The following COMMD10 variants were observed in gnomAD, a reference collection of about 807,000 sequenced individuals.
The protein encoded by COMMD10 is COMM domain-containing protein 10.
Under a neutral mutation model 28.9 loss-of-function variants are expected in COMMD10, and 33 were observed. The observed-to-expected ratio is 1.14, with a 90% CI of 0.87 to 1.53. The LOEUF is 1.53. COMMD10 is among the 40% of genes most tolerant of loss of function. COMMD10 has a pLI of 0.00. For synonymous variants in COMMD10, 110 were observed against 81.7 expected, an observed-to-expected ratio of 1.35 and a Z score of -1.87; for missense variants, 310 against 233.4, an observed-to-expected ratio of 1.33 and a Z score of -2.14.
intron 5 of COMMD10, among the ~76,000 whole-genome samples, chr5:116,210,627 GTT>G (rs1170647773): frequency 6.6e-6 from 1 of 152,012 alleles, no homozygotes; most frequent in African/African-American, 2.4e-5. Flanking sequence ...TGATCTGTGT[GTT>G]TATATTCCAC....
At chr5:116,263,279 A>T (rs80286171) in intron 5 of COMMD10, among the ~76,000 whole-genome samples, 1 of 151,724 alleles carries the variant, frequency 6.6e-6, no homozygotes, top group East Asian at 1.9e-4. Flanking sequence ...GGATCTAGAG[A>T]GTCATGCCCT....
In COMMD10 at chr5:116,212,169, T is replaced by C. The variant is rs145075530; in HGVS notation, c.510+77991T>C. Reference sequence around the variant, plus strand: ...TCCTTTCAAAAGTTGATTTAATTCATAATGTAACTTAGCGTAATATAAATA... The same window carrying C: ...TCCTTTCAAAAGTTGATTTAATTCACAATGTAACTTAGCGTAATATAAATA... On this transcript the variant is annotated intron_variant, in intron 5 of 6. Transcript: ENST00000274458. 2.0e-3 allele frequency among the ~76,000 whole-genome samples: 304 copies of C among 152,260 alleles called. 2 individuals are homozygous for C. The highest frequency in any genetic ancestry group is 7.0e-3 in the African/African-American group (289 of 41,546).
intron 5 of COMMD10, among the ~76,000 whole-genome samples, chr5:116,145,085 T>C (rs551089414): frequency 6.6e-6 from 1 of 151,974 alleles, no homozygotes; most frequent in South Asian, 2.1e-4. Flanking sequence ...AAAGAGAAAG[T>C]TGCAATGATC....
intron 5 of COMMD10, among the ~76,000 whole-genome samples, chr5:116,158,862 TC>T (rs58244066): frequency 5.3e-5 from 8 of 151,148 alleles, no homozygotes; most frequent in African/African-American, 1.5e-4. Context: ...TTTTTTTTTT[TC>T]CCCCCCTGAG....
chr5:116,288,795 TTC>T (rs1751286133), intron 5 of COMMD10, among the ~76,000 whole-genome samples: 1 of 151,516 alleles, frequency 6.6e-6, no homozygotes, highest in African/African-American at 2.4e-5. Flanking sequence ...TTTTTATAGT[TTC>T]TGTGTTTTTC....
rs549378311 is a variant in COMMD10 at position 116,181,121 on chromosome 5, G to T, written c.510+46943G>T. Among the ~76,000 whole-genome samples the T allele has an allele frequency of 4.6e-5, 7 of 152,118 alleles. 1 individual carries two copies. In the South Asian group the frequency reaches 1.5e-3, roughly 32 times the overall value. On this transcript the variant is annotated intron_variant, in intron 5 of 6. Transcript: ENST00000274458. ...ATTGTGCCACTGTACTTCAGCCTGG[G>T]CGACAGAGTGAGACCCTGTCTCCAA...
chr5:116,232,991 A>G (rs1749566950), intron 5 of COMMD10, among the ~76,000 whole-genome samples: 1 of 152,172 alleles, frequency 6.6e-6, no homozygotes, highest in African/African-American at 2.4e-5. Flanking sequence ...TTCCGGCTAA[A>G]TGGTGTGCCT....
chr5:116,155,116 T>C (rs778438350), intron 5 of COMMD10, among the ~76,000 whole-genome samples: 1 of 152,146 alleles, frequency 6.6e-6, no homozygotes, highest in African/African-American at 2.4e-5. Flanking sequence ...ATACATTGAC[T>C]GAGTAAACAG....
chr5:116,209,405 T>G (rs1364258739), intron 5 of COMMD10, among the ~76,000 whole-genome samples: 1 of 152,180 alleles, frequency 6.6e-6, no homozygotes, highest in Non-Finnish European at 1.5e-5. Flanking sequence ...AATACTGATT[T>G]CAAAATAGTG....
chr5:116,278,558 T>TAGAC (rs1274485478), intron 5 of COMMD10, among the ~76,000 whole-genome samples: 3 of 151,842 alleles, frequency 2.0e-5, no homozygotes, highest in Admixed American at 2.0e-4. Context: ...ATGTAACATA[T>TAGAC]AGACAACAAG....
At chr5:116,226,671 TC>T (rs1749401932) in intron 5 of COMMD10, among the ~76,000 whole-genome samples, 1 of 151,680 alleles carries the variant, frequency 6.6e-6, no homozygotes, top group Admixed American at 6.6e-5. Flanking sequence ...AAAAAAAAAT[TC>T]CTGAAGCCAA....
At chr5:116,145,201 A>T (rs959563731) in intron 5 of COMMD10, among the ~76,000 whole-genome samples, 1 of 151,864 alleles carries the variant, frequency 6.6e-6, no homozygotes, top group African/African-American at 2.4e-5. Flanking sequence ...TATTTTGGAT[A>T]TTGGACAATT....
At chr5:116,204,933 A>G (rs1002381256) in intron 5 of COMMD10, among the ~76,000 whole-genome samples, 4 of 151,998 alleles carry the variant, frequency 2.6e-5, no homozygotes, top group African/African-American at 9.7e-5. Flanking sequence ...TAGTCTGATC[A>G]CTCTCTACCT....
intron 5 of COMMD10, among the ~76,000 whole-genome samples, chr5:116,260,879 A>C (rs1026454308): frequency 5.9e-5 from 9 of 151,802 alleles, no homozygotes; most frequent in African/African-American, 2.2e-4. Flanking sequence ...TTTGTGGAGT[A>C]AGTATTGTGT....
intron 4 of COMMD10, among the ~76,000 whole-genome samples, chr5:116,103,910 C>T (rs4921058): frequency 0.11 from 16,920 of 152,116 alleles, 1,378 homozygotes; most frequent in African/African-American, 0.22. Context: ...TAGGGAATCC[C>T]TTCCCCATTT....
Position 116,292,536 on chromosome 5 carries a change from T to G in COMMD10, c.*47T>G, listed in dbSNP as rs555507249. 14 of 1,518,198 alleles carry G rather than the reference T, an allele frequency of 9.2e-6. No homozygotes were observed. The highest frequency in any genetic ancestry group is 1.4e-5 in the African/African-American group (1 of 72,000). 94.0% of individuals were successfully genotyped at this position (1,518,198 alleles called of 1,614,324 possible). A position where few individuals can be genotyped will look rare whatever the true frequency, so the allele number is the denominator to read the frequency against. On this transcript the variant is annotated 3_prime_UTR_variant, in exon 7 of 7. Coordinates refer to ENST00000274458, the MANE Select transcript of COMMD10 (RefSeq NM_016144.4). ...TCATCACGCTCCTGCCACCTCATTA[T>G]TTTGCATTGAAGATACATTGCCAGG... is the stretch of plus-strand genomic sequence containing the variant.
At chr5:116,132,431 T>A (rs1445657318) in intron 4 of COMMD10, among the ~76,000 whole-genome samples, 2 of 152,122 alleles carry the variant, frequency 1.3e-5, no homozygotes, top group Non-Finnish European at 2.9e-5. Flanking sequence ...AAATATAGGG[T>A]TCTTTTTAAT....
intron 4 of COMMD10, among the ~76,000 whole-genome samples, chr5:116,123,542 T>C (rs1751515523): frequency 6.6e-6 from 1 of 152,178 alleles, no homozygotes; most frequent in East Asian, 1.9e-4. Flanking sequence ...TTTTTTGTCG[T>C]GTCTCTGTCA....
intron 5 of COMMD10, among the ~76,000 whole-genome samples, chr5:116,213,635 T>G (rs1171987308): frequency 1.3e-5 from 2 of 152,148 alleles, no homozygotes; most frequent in Non-Finnish European, 2.9e-5. Context: ...AGAAGTCTTT[T>G]ACATTGAGTT....
Sources: allele counts gnomAD v4.1 joint callset (sites outside exome capture counted in the v4.1 genomes callset), GRCh38; gene constraint gnomAD v4.1.1; transcripts MANE v1.5; gene names NCBI Gene and HGNC (gene_info 2026-07-23, HGNC 2026-07-21).